Variants in LRBA observed in about 807,000 individuals in gnomAD.
The protein encoded by LRBA is LPS responsive beige-like anchor protein.
In LRBA, 176 loss-of-function variants were observed where a neutral mutation model predicts 330.0. That is an observed-to-expected ratio of 0.53 (90% confidence interval 0.47 to 0.60). The LOEUF is 0.60. Ranked by LOEUF, LRBA falls within the 20% of genes least tolerant of loss-of-function variation. The probability of loss-of-function intolerance (pLI) is 0.00; values close to 1 mark genes in which losing one functional copy is unlikely to be tolerated. For missense variants in LRBA, 3,259 were observed against 3,444.8 expected (o/e 0.95, Z 1.35); for synonymous variants, 1,230 against 1,193.0 (o/e 1.03, Z -0.64).
intron 40 of LRBA, among the ~76,000 whole-genome samples, chr4:150,549,424 C>T (rs911631075): frequency 6.6e-5 from 10 of 151,924 alleles, no homozygotes; most frequent in African/African-American, 9.7e-5. Flanking sequence ...CTCCGCCTCC[C>T]GGGTTCACAC....
chr4:150,798,061 C>T lies in LRBA; in HGVS notation c.5580+20G>A. ...ATGTGATAATCTACTTTTAATTCAA[C>T]ATTTATTCTTGCCACTCACCTGAGA... is the stretch of plus-strand genomic sequence containing the variant. On this transcript the variant is annotated intron_variant, in intron 34 of 56. Coordinates refer to ENST00000651943, the MANE Select transcript of LRBA (RefSeq NM_001364905.1). 1.3e-6 allele frequency: 2 copies of T among 1,542,784 alleles called. No individual in the cohort carries two copies. The highest frequency in any genetic ancestry group is 2.3e-5 in the South Asian group (2 of 86,604).
At chr4:150,562,659 T>C (rs1458614566) in intron 40 of LRBA, among the ~76,000 whole-genome samples, 12 of 152,162 alleles carry the variant, frequency 7.9e-5, no homozygotes, top group Non-Finnish European at 1.5e-4. Context: ...CCATAATATA[T>C]TTTCTAAAAA....
intron 40 of LRBA, among the ~76,000 whole-genome samples, chr4:150,508,252 G>GA (rs1561281025): frequency 1.8e-5 from 2 of 113,366 alleles, no homozygotes; most frequent in Non-Finnish European, 3.7e-5. Flanking sequence ...GGGGGGGGGG[G>GA]GAGAAAAAGA....
intron 37 of LRBA, among the ~76,000 whole-genome samples, chr4:150,639,217 G>T (rs1401060563): frequency 2.8e-5 from 4 of 140,832 alleles, no homozygotes; most frequent in Non-Finnish European, 6.1e-5. Flanking sequence ...GTAGGGGAAG[G>T]GGGGAGGGGG....
At chr4:150,373,124 CGTGT>C (rs70937397) in intron 47 of LRBA, among the ~76,000 whole-genome samples, 13,670 of 95,932 alleles carry the variant, frequency 0.14, 1,086 homozygotes, top group Non-Finnish European at 0.18. Context: ...ACTACAATCT[CGTGT>C]GTGTGTGTGT....
intron 40 of LRBA, among the ~76,000 whole-genome samples, chr4:150,527,427 G>C (rs1198223805): frequency 1.3e-5 from 2 of 152,144 alleles, no homozygotes; most frequent in African/African-American, 4.8e-5. Flanking sequence ...GATTATTTCA[G>C]ATATTAGGCA....
chr4:150,701,892 T>C (rs1392768256), intron 36 of LRBA, among the ~76,000 whole-genome samples: 2 of 152,148 alleles, frequency 1.3e-5, no homozygotes, highest in East Asian at 3.9e-4. Context: ...GGTACATTAA[T>C]CACTGAGGCA....
chr4:150,319,009 C>G (rs1417854494), intron 50 of LRBA, among the ~76,000 whole-genome samples: 2 of 152,116 alleles, frequency 1.3e-5, no homozygotes, highest in Non-Finnish European at 2.9e-5. Flanking sequence ...AAGATAATAC[C>G]TGACCACTAG....
At chr4:150,919,968 T>C (rs1477322559) in intron 5 of LRBA, among the ~76,000 whole-genome samples, 2 of 152,110 alleles carry the variant, frequency 1.3e-5, no homozygotes, top group Non-Finnish European at 2.9e-5. Flanking sequence ...GAGGCAATGA[T>C]AGGCTATGAT....
chr4:150,702,790 TA>T (rs1341291043), intron 36 of LRBA, among the ~76,000 whole-genome samples: 1 of 151,962 alleles, frequency 6.6e-6, no homozygotes, highest in African/African-American at 2.4e-5. Flanking sequence ...ACTCAACCCT[TA>T]AAAAAAATCC....
In LRBA at chr4:150,529,654, G is replaced by A. The variant is rs548172956; in HGVS notation, c.6331-38619C>T. On this transcript the variant is annotated intron_variant, in intron 40 of 56. Coordinates refer to ENST00000651943, the MANE Select transcript of LRBA (RefSeq NM_001364905.1). ...TTGCTTGAACCAGGACCCAGGTAGC[G>A]GAGGTTGCAGTGAGCCGAGATCATG... 3.6e-4 allele frequency among the ~76,000 whole-genome samples: 54 copies of A among 151,850 alleles called. No homozygotes were observed. In the Middle Eastern group the frequency reaches 0.01, roughly 29 times the overall value.
At chr4:150,726,084 AG>A (rs1378959968) in intron 36 of LRBA, among the ~76,000 whole-genome samples, 2 of 152,238 alleles carry the variant, frequency 1.3e-5, no homozygotes, top group Non-Finnish European at 2.9e-5. Flanking sequence ...GAAAAAAGGA[AG>A]AGAAGTCTGC....
intron 37 of LRBA, among the ~76,000 whole-genome samples, chr4:150,667,674 G>A (rs11944485): frequency 0.19 from 28,553 of 152,072 alleles, 3,325 homozygotes; most frequent in Non-Finnish European, 0.26. Context: ...AGTGCCCTTA[G>A]AAAAGAGGCC....
At chr4:150,895,831 T>G (rs1730019540) in intron 16 of LRBA, among the ~76,000 whole-genome samples, 1 of 152,338 alleles carries the variant, frequency 6.6e-6, no homozygotes, top group African/African-American at 2.4e-5. Context: ...ATGGTATTTC[T>G]AGTTCTAGAT....
chr4:150,643,813 A>T (rs946168003), intron 37 of LRBA, among the ~76,000 whole-genome samples: 1 of 152,024 alleles, frequency 6.6e-6, no homozygotes, highest in Non-Finnish European at 1.5e-5. Flanking sequence ...AAGATATTTC[A>T]TGATGTGAAA....
chr4:150,501,957 T>C (rs375636230), intron 40 of LRBA, among the ~76,000 whole-genome samples: 9 of 151,824 alleles, frequency 5.9e-5, no homozygotes, highest in East Asian at 1.9e-4. Flanking sequence ...CAGAGGAAAA[T>C]AGAGAAACGT....
intron 2 of LRBA, among the ~76,000 whole-genome samples, chr4:151,007,856 C>CA (rs57271520): frequency 6.1e-5 from 7 of 114,404 alleles, no homozygotes; most frequent in African/African-American, 1.0e-4. Flanking sequence ...GACTCCATCT[C>CA]AAAAAAAAAA....
intron 36 of LRBA, among the ~76,000 whole-genome samples, chr4:150,713,258 C>CA (rs1786413606): frequency 6.6e-6 from 1 of 152,134 alleles, no homozygotes; most frequent in Non-Finnish European, 1.5e-5. Flanking sequence ...AATTCAATCA[C>CA]AAAATGTTGT....
chr4:150,539,307 G>GT (rs1765061260), intron 40 of LRBA, among the ~76,000 whole-genome samples: 1 of 152,062 alleles, frequency 6.6e-6, no homozygotes, highest in African/African-American at 2.4e-5. Context: ...CATGAACTGG[G>GT]TAAGTTATTA....
Sources: allele counts gnomAD v4.1 joint callset (sites outside exome capture counted in the v4.1 genomes callset), GRCh38; gene constraint gnomAD v4.1.1; transcripts MANE v1.5; gene names NCBI Gene and HGNC (gene_info 2026-07-23, HGNC 2026-07-21).